CNTNAP2: variants seen among roughly 807,000 people sequenced by gnomAD.
CNTNAP2 encodes the protein contactin-associated protein-like 2.
A neutral mutation model predicts 155.2 loss-of-function variants in CNTNAP2; 98 were observed. The observed-to-expected ratio is 0.63, with a 90% CI of 0.54 to 0.75. The LOEUF is 0.75. Ranked by LOEUF, CNTNAP2 falls within the 30% of genes least tolerant of loss-of-function variation. The pLI is 0.00. For synonymous variants in CNTNAP2, 651 were observed against 631.2 expected, an observed-to-expected ratio of 1.03 and a Z score of -0.47; for missense variants, 1,727 against 1,688.1, an observed-to-expected ratio of 1.02 and a Z score of -0.40.
intron 2 of CNTNAP2, among the ~76,000 whole-genome samples, chr7:146,775,604 A>C (rs951870700): frequency 1.3e-5 from 2 of 150,882 alleles, no homozygotes; most frequent in African/African-American, 4.9e-5. Flanking sequence ...GGAAGGAAGA[A>C]AGGAAGGAAG....
At chr7:147,562,437 A>G (rs893986858) in intron 12 of CNTNAP2, among the ~76,000 whole-genome samples, 180 bp downstream of exon 12, 1 of 152,216 alleles carries the variant, frequency 6.6e-6, no homozygotes, top group African/African-American at 2.4e-5. Flanking sequence ...AAACATTTTG[A>G]CACTGTGCTT....
chr7:147,721,540 C>A (rs997657061), intron 13 of CNTNAP2, among the ~76,000 whole-genome samples: 3 of 151,962 alleles, frequency 2.0e-5, no homozygotes, highest in African/African-American at 7.2e-5. Context: ...ACATTTAGTC[C>A]CATGGAAACA....
chr7:146,197,569 G>A (rs1031922392), intron 1 of CNTNAP2, among the ~76,000 whole-genome samples: 30 of 152,088 alleles, frequency 2.0e-4, no homozygotes, highest in African/African-American at 7.2e-4. Context: ...TTTAATTACA[G>A]GATCACTAAT....
intron 4 of CNTNAP2, among the ~76,000 whole-genome samples, chr7:147,094,057 T>A (rs1311074542): frequency 6.6e-6 from 1 of 152,158 alleles, no homozygotes; most frequent in Non-Finnish European, 1.5e-5. Context: ...AATCACACAC[T>A]GGTGGCTTCT....
intron 13 of CNTNAP2, among the ~76,000 whole-genome samples, chr7:147,692,780 C>T (rs1187432928): frequency 2.0e-5 from 3 of 152,054 alleles, no homozygotes; most frequent in Non-Finnish European, 4.4e-5. Context: ...GTACCTTTTC[C>T]TCTAGTCTTT....
At chr7:146,169,912 G>T (rs905282058) in intron 1 of CNTNAP2, among the ~76,000 whole-genome samples, 1 of 151,570 alleles carries the variant, frequency 6.6e-6, no homozygotes, top group Non-Finnish European at 1.5e-5. Context: ...TGTGAATAAC[G>T]CTGCAATGAA....
chr7:148,102,972 A>G (rs1367658131), intron 15 of CNTNAP2, among the ~76,000 whole-genome samples: 3 of 152,200 alleles, frequency 2.0e-5, no homozygotes, highest in African/African-American at 7.2e-5. Context: ...ACATCAATCA[A>G]CATATGTAAG....
At chr7:147,093,072 CAT>C (rs10596701) in intron 4 of CNTNAP2, among the ~76,000 whole-genome samples, 111,155 of 144,600 alleles carry the variant, frequency 0.77, 43,084 homozygotes, top group African/African-American at 0.9. Flanking sequence ...AATACAAATA[CAT>C]ATATATATAT....
intron 15 of CNTNAP2, among the ~76,000 whole-genome samples, chr7:147,997,169 G>A (rs1002741663): frequency 8.5e-5 from 13 of 152,194 alleles, no homozygotes; most frequent in East Asian, 1.9e-4. Flanking sequence ...CCCAGTTTAC[G>A]ATATTTTGTT....
At chr7:146,347,559 C>CT (rs1035000667) in intron 1 of CNTNAP2, among the ~76,000 whole-genome samples, 2 of 152,062 alleles carry the variant, frequency 1.3e-5, no homozygotes, top group African/African-American at 4.8e-5. Context: ...TCAGCATTGG[C>CT]TTTTTTTATT....
At chr7:146,462,166 A>T (rs529969732) in intron 1 of CNTNAP2, among the ~76,000 whole-genome samples, 2 of 152,190 alleles carry the variant, frequency 1.3e-5, no homozygotes, top group Non-Finnish European at 2.9e-5. Flanking sequence ...ATAATACCAC[A>T]TGTCACTACC....
chr7:147,517,028 A>AT (rs574784224), intron 11 of CNTNAP2, among the ~76,000 whole-genome samples: 3,977 of 142,192 alleles, frequency 0.028, 178 homozygotes, highest in African/African-American at 0.086. Flanking sequence ...CACCCAGCTA[A>AT]TTTTTTTTTT....
At chr7:147,605,698 G>A (rs1212515618) in intron 12 of CNTNAP2, among the ~76,000 whole-genome samples, 1 of 152,080 alleles carries the variant, frequency 6.6e-6, no homozygotes, top group Non-Finnish European at 1.5e-5. Flanking sequence ...ATTAGAAAGG[G>A]AAAGTTCAGA....
At chr7:148,065,749 T>A (rs568291575) in intron 15 of CNTNAP2, among the ~76,000 whole-genome samples, 1 of 152,340 alleles carries the variant, frequency 6.6e-6, no homozygotes, top group South Asian at 2.1e-4. Context: ...CAATTCTGTG[T>A]CTTTTAAGTG....
intron 15 of CNTNAP2, among the ~76,000 whole-genome samples, chr7:148,042,062 G>A (rs1170032387): frequency 2.0e-5 from 3 of 152,122 alleles, no homozygotes; most frequent in Non-Finnish European, 4.4e-5. Context: ...AGAAGGCCAC[G>A]ATGCCAGCAC....
At position 147,385,787 on chromosome 7, in the gene CNTNAP2, G is replaced by T. The variant is rs1337159087; in HGVS notation, c.1499-9822G>T. On this transcript the variant is annotated intron_variant, in intron 9 of 23. Coordinates refer to ENST00000361727, the MANE Select transcript of CNTNAP2 (RefSeq NM_014141.6). ...CTACCATTCTGGAGTCTGGAGGATGGTGGCCCTCCTCTCACAGCTCCACTA... is the reference window on the plus strand; with the variant it reads ...CTACCATTCTGGAGTCTGGAGGATGTTGGCCCTCCTCTCACAGCTCCACTA... Among the ~76,000 whole-genome samples, 3 of 152,186 alleles carry T rather than the reference G, an allele frequency of 2.0e-5. No homozygotes were observed. In the East Asian group the frequency reaches 5.8e-4, roughly 29 times the overall value.
At chr7:147,244,302 C>G (rs967867697) in intron 8 of CNTNAP2, among the ~76,000 whole-genome samples, 5 of 152,180 alleles carry the variant, frequency 3.3e-5, no homozygotes, top group Non-Finnish European at 5.9e-5. Context: ...GTTGGGAGAT[C>G]AGGGGCCAGC....
At chr7:147,900,731 C>T in intron 13 of CNTNAP2, among the ~76,000 whole-genome samples, 1 of 152,148 alleles carries the variant, frequency 6.6e-6, no homozygotes, top group East Asian at 1.9e-4. Context: ...ATTCTCCTGC[C>T]TCAGCCTCCC....
At chr7:148,221,850 G>C (rs1442853609) in intron 19 of CNTNAP2, among the ~76,000 whole-genome samples, 2 of 152,228 alleles carry the variant, frequency 1.3e-5, no homozygotes, top group African/African-American at 4.8e-5. Context: ...AACAAGTCCT[G>C]TGAATTGAAC....
Sources: gnomAD v4.1 joint callset for allele counts (sites outside exome capture counted in the v4.1 genomes callset) on GRCh38, gnomAD v4.1.1 for gene constraint, MANE v1.5 for transcripts, NCBI Gene and HGNC (gene_info 2026-07-23, HGNC 2026-07-21) for gene names.